Variants in FSTL5 observed in about 807,000 individuals in gnomAD.
FSTL5 encodes the protein follistatin like 5, also known as follistatin-related protein 5.
Under a neutral mutation model 89.1 loss-of-function variants are expected in FSTL5, and 62 were observed. The observed-to-expected ratio is 0.70, with a 90% CI of 0.57 to 0.86. The LOEUF is 0.86. Ranked by LOEUF, FSTL5 falls within the 40% of genes least tolerant of loss-of-function variation. The probability of loss-of-function intolerance (pLI) is 0.00; values close to 1 mark genes in which losing one functional copy is unlikely to be tolerated. For synonymous variants in FSTL5, 383 were observed against 346.2 expected (o/e 1.11, Z -1.18); for missense variants, 1,057 against 1,001.6 (o/e 1.06, Z -0.75).
At chr4:161,864,724 T>C (rs550376854) in intron 4 of FSTL5, among the ~76,000 whole-genome samples, 3 of 151,768 alleles carry the variant, frequency 2.0e-5, no homozygotes, top group African/African-American at 7.3e-5. Context: ...ACAAAAAAAT[T>C]AGCTGGGTGT....
chr4:161,810,970 G>A (rs962345746), intron 4 of FSTL5, among the ~76,000 whole-genome samples: 2 of 152,036 alleles, frequency 1.3e-5, no homozygotes, highest in Non-Finnish European at 2.9e-5. Flanking sequence ...CGTCAGCCTC[G>A]CCTTAAATGT....
chr4:161,718,009 G>A (rs1739052619), intron 6 of FSTL5, among the ~76,000 whole-genome samples: 1 of 152,074 alleles, frequency 6.6e-6, no homozygotes, highest in African/African-American at 2.4e-5. Context: ...AGTTATTTAT[G>A]TTTATCACCT....
chr4:161,835,298 T>C (rs893200142), intron 4 of FSTL5, among the ~76,000 whole-genome samples: 7 of 152,038 alleles, frequency 4.6e-5, no homozygotes, highest in African/African-American at 9.7e-5. Flanking sequence ...ATACAAAAAT[T>C]AATTCAAGAT....
chr4:161,842,309 T>A (rs553669060), intron 4 of FSTL5, among the ~76,000 whole-genome samples: 1 of 152,282 alleles, frequency 6.6e-6, no homozygotes, highest in African/African-American at 2.4e-5. Context: ...TATAGCAAAC[T>A]AACTATGAGA....
intron 4 of FSTL5, among the ~76,000 whole-genome samples, chr4:161,880,317 A>T (rs750863852): frequency 6.6e-6 from 1 of 152,012 alleles, no homozygotes; most frequent in East Asian, 1.9e-4. Context: ...TATTTTAATA[A>T]ATCTAACATT....
chr4:161,672,000 G>A lies in FSTL5; in HGVS notation c.728-15506C>T, dbSNP rs556760459. 2.8e-4 allele frequency among the ~76,000 whole-genome samples: 42 copies of A among 152,224 alleles called. No individual in the cohort carries two copies. In the South Asian group the frequency reaches 8.1e-3, roughly 29 times the overall value. On this transcript the variant is annotated intron_variant, in intron 6 of 15. Transcript: ENST00000306100. ...ATTCACAGTACTAATCTGTGAACAA[G>A]TTTGATTCTCCAAGAGAGTATTTAC...
At chr4:161,427,078 CTA>C (rs1237819471) in intron 15 of FSTL5, among the ~76,000 whole-genome samples, 1 of 152,122 alleles carries the variant, frequency 6.6e-6, no homozygotes, top group African/African-American at 2.4e-5. Flanking sequence ...TAGAGAACTT[CTA>C]TATTAGACAC....
chr4:161,548,049 A>C (rs1013444028), intron 8 of FSTL5, among the ~76,000 whole-genome samples: 12 of 151,934 alleles, frequency 7.9e-5, no homozygotes, highest in Admixed American at 6.6e-5. Flanking sequence ...AAATCAGTGG[A>C]GTAATAAACC....
intron 15 of FSTL5, among the ~76,000 whole-genome samples, chr4:161,439,723 C>A (rs952359625): frequency 6.6e-5 from 10 of 151,764 alleles, no homozygotes; most frequent in African/African-American, 2.4e-4. Flanking sequence ...ATTTAACACA[C>A]ACACACACAC....
chr4:161,833,334 G>T (rs1330391050), intron 4 of FSTL5, among the ~76,000 whole-genome samples: 1 of 151,632 alleles, frequency 6.6e-6, no homozygotes, highest in Non-Finnish European at 1.5e-5. Flanking sequence ...GTGTGGTGTG[G>T]TGCTGAAAAA....
chr4:161,886,177 A>T (rs1235323882), intron 4 of FSTL5, among the ~76,000 whole-genome samples: 1 of 152,188 alleles, frequency 6.6e-6, no homozygotes, highest in Non-Finnish European at 1.5e-5. Context: ...CACAATTTGA[A>T]ATTGTCCTAG....
At chr4:161,678,062 C>A (rs143170539) in intron 6 of FSTL5, among the ~76,000 whole-genome samples, 2 of 151,744 alleles carry the variant, frequency 1.3e-5, no homozygotes, top group Non-Finnish European at 3.0e-5. Flanking sequence ...AAAAACTTCA[C>A]TTTTCATAAG....
intron 2 of FSTL5, among the ~76,000 whole-genome samples, chr4:162,087,975 A>T (rs966380632): frequency 6.6e-6 from 1 of 152,154 alleles, no homozygotes; most frequent in African/African-American, 2.4e-5. Context: ...TGTAATGATC[A>T]GTTTCTTTAT....
intron 5 of FSTL5, among the ~76,000 whole-genome samples, chr4:161,767,833 A>G (rs2126797000): frequency 6.6e-6 from 1 of 152,260 alleles, no homozygotes; most frequent in South Asian, 2.1e-4. Flanking sequence ...ACTCAGAATT[A>G]AAGAATCAAA....
At chr4:161,893,581 T>A (rs1733057602) in intron 4 of FSTL5, among the ~76,000 whole-genome samples, 2 of 152,262 alleles carry the variant, frequency 1.3e-5, no homozygotes, top group Admixed American at 1.3e-4. Flanking sequence ...AGTCACTAAA[T>A]GTCATTTGCC....
At chr4:161,442,040 T>C (rs73858492) in intron 15 of FSTL5, among the ~76,000 whole-genome samples, 12,673 of 152,120 alleles carry the variant, frequency 0.083, 741 homozygotes, top group African/African-American at 0.16. Flanking sequence ...AACTAATTTA[T>C]AGTTATATAA....
chr4:161,969,939 G>A (rs1421340430), intron 3 of FSTL5, among the ~76,000 whole-genome samples: 1 of 152,096 alleles, frequency 6.6e-6, no homozygotes, highest in African/African-American at 2.4e-5. Context: ...TAGTATTACT[G>A]TGTGTGGGAT....
intron 15 of FSTL5, among the ~76,000 whole-genome samples, chr4:161,391,376 C>T (rs1560871967): frequency 6.6e-6 from 1 of 151,952 alleles, no homozygotes; most frequent in Non-Finnish European, 1.5e-5. Flanking sequence ...AAGGTAAATG[C>T]TGAACATATA....
At chr4:161,749,558 G>A (rs894572667) in intron 6 of FSTL5, among the ~76,000 whole-genome samples, 9 of 152,176 alleles carry the variant, frequency 5.9e-5, no homozygotes, top group South Asian at 2.1e-4. Context: ...AGCACTTCGG[G>A]AGGCTGAGGC....
Sources: allele counts gnomAD v4.1 joint callset (sites outside exome capture counted in the v4.1 genomes callset), GRCh38; gene constraint gnomAD v4.1.1; transcripts MANE v1.5; gene names NCBI Gene and HGNC (gene_info 2026-07-23, HGNC 2026-07-21).